ANKS1B: variants seen among roughly 807,000 people sequenced by gnomAD.
ANKS1B encodes ankyrin repeat and sterile alpha motif domain-containing protein 1B.
A neutral mutation model predicts 148.3 loss-of-function variants in ANKS1B; 36 were observed. The ratio of observed to expected loss-of-function variants is 0.24; its 90% CI spans 0.19 to 0.32. The LOEUF is 0.32. ANKS1B is among the 10% of genes least tolerant of loss of function. The pLI, the probability that ANKS1B is intolerant of heterozygous loss-of-function variation, is 1.00. For synonymous variants in ANKS1B, 542 were observed against 560.8 expected (o/e 0.97, Z 0.47); for missense variants, 1,157 against 1,542.6 (o/e 0.75, Z 4.19).
intron 17 of ANKS1B, among the ~76,000 whole-genome samples, chr12:98,935,948 G>C (rs1395263871): frequency 2.0e-5 from 3 of 152,118 alleles, no homozygotes; most frequent in African/African-American, 7.2e-5. Context: ...AAAAAAGTTA[G>C]TTTAGTCAAC....
At chr12:99,394,425 C>T (rs1170185491) in intron 12 of ANKS1B, among the ~76,000 whole-genome samples, 1 of 152,108 alleles carries the variant, frequency 6.6e-6, no homozygotes, top group Non-Finnish European at 1.5e-5. Context: ...CAAGGGTAGT[C>T]TATCATTACT....
At chr12:99,816,528 TTTAAAA>T (rs1244283022) in intron 2 of ANKS1B, among the ~76,000 whole-genome samples, 10 of 151,708 alleles carry the variant, frequency 6.6e-5, no homozygotes, top group African/African-American at 9.6e-5. Context: ...ATGTGCTTAT[TTTAAAA>T]TTAAAATTAA....
intron 14 of ANKS1B, among the ~76,000 whole-genome samples, chr12:99,214,548 CT>C (rs768861500): frequency 6.6e-6 from 1 of 152,206 alleles, no homozygotes; most frequent in Non-Finnish European, 1.5e-5. Flanking sequence ...CATGCCTTTG[CT>C]TCTCCTTTGC....
At chr12:99,888,437 C>G (rs2092933289) in intron 1 of ANKS1B, among the ~76,000 whole-genome samples, 1 of 152,142 alleles carries the variant, frequency 6.6e-6, no homozygotes, top group African/African-American at 2.4e-5. Flanking sequence ...AAAAAGGGTT[C>G]TTCCTCAAAG....
chr12:99,115,572 A>C (rs2061182695), intron 15 of ANKS1B, among the ~76,000 whole-genome samples: 1 of 152,026 alleles, frequency 6.6e-6, no homozygotes, highest in Non-Finnish European at 1.5e-5. Flanking sequence ...CCCTCGTGAC[A>C]CTAGTTTACC....
Position 98,745,350 on chromosome 12 carries a change from T to C in ANKS1B, c.*389A>G. 1.0e-6 allele frequency: 1 copy of C among 987,610 alleles called. No homozygotes were observed. The highest frequency in any genetic ancestry group is 1.2e-6 in the Non-Finnish European group (1 of 832,464). 61.2% of individuals were successfully genotyped at this position (987,610 alleles called of 1,614,324 possible). A position where few individuals can be genotyped will look rare whatever the true frequency, so the allele number is the denominator to read the frequency against. The stretch of plus-strand genomic sequence containing the variant: ...ACTGCTGACAGTGAAAGCATACTTT[T>C]AGGCAGTATTAGAGATCCCCTTTAC... On this transcript the variant is annotated 3_prime_UTR_variant, in exon 27 of 27. Transcript: ENST00000683438.
At chr12:99,427,189 T>C (rs955023628) in intron 11 of ANKS1B, among the ~76,000 whole-genome samples, 1 of 152,162 alleles carries the variant, frequency 6.6e-6, no homozygotes, top group African/African-American at 2.4e-5. Context: ...AAAATGTAGA[T>C]CAAATCACAT....
At chr12:99,144,817 G>A (rs914229375) in intron 15 of ANKS1B, among the ~76,000 whole-genome samples, 1 of 151,968 alleles carries the variant, frequency 6.6e-6, no homozygotes, top group Non-Finnish European at 1.5e-5. Context: ...TGAAACACAA[G>A]GAGAAGGTGA....
intron 15 of ANKS1B, among the ~76,000 whole-genome samples, chr12:99,099,300 G>A (rs896126853): frequency 2.0e-5 from 3 of 152,224 alleles, no homozygotes; most frequent in African/African-American, 7.2e-5. Flanking sequence ...CTGATGAAGA[G>A]ATTTAAAAAT....
At chr12:99,590,402 T>C (rs2097690988) in intron 9 of ANKS1B, among the ~76,000 whole-genome samples, 1 of 152,150 alleles carries the variant, frequency 6.6e-6, no homozygotes, top group South Asian at 2.1e-4. Flanking sequence ...CAGATTATAG[T>C]AACACATTCC....
At chr12:99,042,715 T>C (rs1257251359) in intron 17 of ANKS1B, among the ~76,000 whole-genome samples, 1 of 152,214 alleles carries the variant, frequency 6.6e-6, no homozygotes, top group Non-Finnish European at 1.5e-5. Flanking sequence ...TATTAGATTA[T>C]CTTATTGAAT....
intron 12 of ANKS1B, among the ~76,000 whole-genome samples, chr12:99,306,899 C>T (rs1182016912): frequency 1.3e-5 from 2 of 151,898 alleles, no homozygotes; most frequent in Non-Finnish European, 2.9e-5. Context: ...TGGTTTTTAT[C>T]TAGTGTTATA....
chr12:99,332,253 C>T (rs749513011), intron 12 of ANKS1B, among the ~76,000 whole-genome samples: 20 of 152,128 alleles, frequency 1.3e-4, no homozygotes, highest in Admixed American at 7.9e-4. Flanking sequence ...ATGATTCATG[C>T]GCACATTAAA....
chr12:99,154,750 T>C, intron 14 of ANKS1B: 1 of 1,442,082 alleles, frequency 6.9e-7, no homozygotes, highest in South Asian at 1.5e-5. Context: ...GTTGGAGTAC[T>C]CCACAATGAG....
chr12:99,510,058 A>G (rs1395064909), intron 9 of ANKS1B, among the ~76,000 whole-genome samples: 1 of 151,988 alleles, frequency 6.6e-6, no homozygotes, highest in Non-Finnish European at 1.5e-5. Context: ...AATTTACTGA[A>G]TATTTTAAGC....
intron 22 of ANKS1B, among the ~76,000 whole-genome samples, chr12:98,789,417 T>C (rs750412171): frequency 4.6e-5 from 6 of 130,144 alleles, no homozygotes; most frequent in South Asian, 2.3e-4. Context: ...TGAAGATGTA[T>C]AGTTTTTTTT....
At chr12:99,546,892 A>C (rs2097177097) in intron 9 of ANKS1B, among the ~76,000 whole-genome samples, 1 of 152,124 alleles carries the variant, frequency 6.6e-6, no homozygotes. Flanking sequence ...GGTTGGGATA[A>C]ACTCCAACAA....
intron 8 of ANKS1B, among the ~76,000 whole-genome samples, chr12:99,679,348 A>G (rs1371191254): frequency 6.6e-6 from 1 of 152,118 alleles, no homozygotes; most frequent in African/African-American, 2.4e-5. Context: ...TGGCTAGGTC[A>G]CCCAGGCTGG....
At position 99,345,211 on chromosome 12, in the gene ANKS1B, C is replaced by T. The variant is rs927313905; in HGVS notation, c.1756+54420G>A. Among the ~76,000 whole-genome samples, 8 of 152,108 alleles carry T rather than the reference C, an allele frequency of 5.3e-5. No individual in the cohort carries two copies. In the East Asian group the frequency reaches 5.8e-4, roughly 11 times the overall value. On this transcript the variant is annotated intron_variant, in intron 12 of 26. Coordinates refer to ENST00000683438, the MANE Select transcript of ANKS1B (RefSeq NM_001352186.2). ...GGGGTGTGGTCAAATTGTTACTATG[C>T]CAATCACTCAGTAAAGGAGTCTGAA...
Sources: gnomAD v4.1 joint callset for allele counts (sites outside exome capture counted in the v4.1 genomes callset) on GRCh38, gnomAD v4.1.1 for gene constraint, MANE v1.5 for transcripts, NCBI Gene and HGNC (gene_info 2026-07-23, HGNC 2026-07-21) for gene names.